The following PZP variants were observed in gnomAD, a reference collection of about 807,000 sequenced individuals.
PZP encodes the protein PZP alpha-2-macroglobulin like.
A neutral mutation model predicts 179.8 loss-of-function variants in PZP; 150 were observed. The observed-to-expected ratio is 0.83, with a 90% CI of 0.73 to 0.96. The LOEUF (loss-of-function observed/expected upper bound fraction) is 0.96. Ranked by LOEUF, PZP falls within the 40% of genes least tolerant of loss-of-function variation. The pLI is 0.00. For synonymous variants in PZP, 624 were observed against 652.3 expected (o/e 0.96, Z 0.66); for missense variants, 1,689 against 1,764.0 (o/e 0.96, Z 0.76).
chr12:9,197,499 ATATAT>A (rs1943858007), intron 7 of PZP, among the ~76,000 whole-genome samples: 2 of 128,278 alleles, frequency 1.6e-5, no homozygotes, highest in Non-Finnish European at 3.1e-5. Context: ...TTATATATAA[ATATAT>A]TATGTATAAT....
chr12:9,182,033 T>C lies in PZP; in HGVS notation c.1631A>G (p.Asp544Gly), dbSNP rs1279626388. 1 of 1,613,860 alleles carries C rather than the reference T, an allele frequency of 6.2e-7. No individual in the cohort carries two copies. The change falls in exon 14 of 36, where the codon GAT (aspartate) becomes GGT (glycine). Residue 544 changes from aspartate (D) to glycine (G), a missense_variant. Around this residue, in one of 3 missense-constraint regions of PZP, gnomAD observed 742 missense variants for 730.5 expected, o/e 1.02. Transcript: ENST00000261336. ...ARMFIFAILP[D>G]GEVVGDSEKF... The stretch of plus-strand genomic sequence containing the variant: ...TTCAGAGTCTCCAACAACTTCTCCA[T>C]CTGGTAAAATGGCAAAGATGAACAT...
intron 15 of PZP, among the ~76,000 whole-genome samples, chr12:9,173,085 C>T (rs1176065320): frequency 6.6e-6 from 1 of 152,242 alleles, no homozygotes; most frequent in Non-Finnish European, 1.5e-5. Context: ...AAGTAAAACA[C>T]TCCTCAGCAA....
chr12:9,166,396 G>A (rs1013353438), intron 17 of PZP, among the ~76,000 whole-genome samples, 194 bp from the exon 18 acceptor site: 2 of 152,138 alleles, frequency 1.3e-5, no homozygotes, highest in African/African-American at 2.4e-5. Context: ...GTCAAAGGTG[G>A]AAATTCTATG....
chr12:9,208,111 A>G (rs769382360), intron 1 of PZP, 148 bp downstream of exon 1: 3 of 604,894 alleles, frequency 5.0e-6, no homozygotes, highest in Admixed American at 5.7e-5. Context: ...TAAATGAAAG[A>G]CAAACAAGGG....
intron 15 of PZP, among the ~76,000 whole-genome samples, chr12:9,172,839 T>C (rs767585314): frequency 1.3e-5 from 2 of 152,094 alleles, no homozygotes; most frequent in Non-Finnish European, 2.9e-5. Flanking sequence ...AGTTCTTATA[T>C]ACCTACAAAG....
At chr12:9,152,770 T>A in intron 31 of PZP, 54 bp downstream of exon 31, 1 of 1,573,122 alleles carries the variant, frequency 6.4e-7, no homozygotes. Flanking sequence ...TAATTTCTGT[T>A]AATTCCAAGT....
intron 29 of PZP, 134 bp downstream of exon 29, chr12:9,154,482 A>T: frequency 1.1e-6 from 1 of 899,760 alleles, no homozygotes; most frequent in Admixed American, 2.7e-5. Context: ...TTAAATTCTC[A>T]TGGTCCTCAA....
At chr12:9,144,724 G>C (rs1422535039), downstream of PZP, among the ~76,000 whole-genome samples, 12 of 152,270 alleles carry the variant, frequency 7.9e-5, no homozygotes, top group Non-Finnish European at 1.5e-4. Context: ...GAAGTTTATT[G>C]TGGGGTTGGA....
chr12:9,197,253 A>G (rs1253404192), intron 7 of PZP, 130 bp from the exon 8 acceptor site: 1 of 600,532 alleles, frequency 1.7e-6, no homozygotes, highest in Non-Finnish European at 2.9e-6. Context: ...CCAAGTAGAA[A>G]GCTGTCTGGA....
chr12:9,182,319 C>A (rs1346709013), intron 13 of PZP, among the ~76,000 whole-genome samples: 1 of 152,170 alleles, frequency 6.6e-6, no homozygotes, highest in East Asian at 1.9e-4. Context: ...TTAATTATAG[C>A]AGAAGTTAAC....
intron 15 of PZP, among the ~76,000 whole-genome samples, chr12:9,171,066 G>C (rs1941962491): frequency 6.6e-6 from 1 of 152,200 alleles, no homozygotes; most frequent in Admixed American, 6.5e-5. Flanking sequence ...CTCCCAATGA[G>C]GGTCTCCAGC....
At chr12:9,141,633 A>T in the PZP span, among the ~76,000 whole-genome samples, 48 of 152,318 alleles carry the variant, frequency 3.2e-4, 1 homozygote, top group East Asian at 9.1e-3. Flanking sequence ...ATTTTATTCA[A>T]CTTAAAACAA....
intron 15 of PZP, among the ~76,000 whole-genome samples, chr12:9,173,299 C>A (rs773446146): frequency 6.6e-6 from 1 of 152,220 alleles, no homozygotes; most frequent in South Asian, 2.1e-4. Context: ...CAATGTACTG[C>A]AATCTCTGGG....
At chr12:9,163,219 G>A (rs189263449) in intron 21 of PZP, among the ~76,000 whole-genome samples, 1 of 151,196 alleles carries the variant, frequency 6.6e-6, no homozygotes, top group African/African-American at 2.4e-5. Context: ...TTGGGAGGCC[G>A]AGAAGGGAGG....
chr12:9,202,243 T>G, intron 4 of PZP, 76 bp downstream of exon 4: 1 of 1,320,934 alleles, frequency 7.6e-7, no homozygotes, highest in East Asian at 2.3e-5. Flanking sequence ...CTCGCTTTTC[T>G]TGTACCTTTC....
In PZP at chr12:9,188,629, G is replaced by T. The variant is rs762797140; in HGVS notation, c.1546+3564C>A. Among the ~76,000 whole-genome samples, 5 of 152,278 alleles carry T rather than the reference G, an allele frequency of 3.3e-5. No homozygotes were observed. In the East Asian group the frequency reaches 9.6e-4, roughly 29 times the overall value. On this transcript the variant is annotated intron_variant, in intron 13 of 35. Transcript: ENST00000261336. ...GATTTTATATCTAGAAAACCCCATA[G>T]TGTTGGCCCCAAAGCTCCTTAAGCT...
chr12:9,154,483 T>C, intron 29 of PZP, 133 bp downstream of exon 29: 2 of 903,284 alleles, frequency 2.2e-6, no homozygotes, highest in Non-Finnish European at 1.7e-6. Context: ...TAAATTCTCA[T>C]GGTCCTCAAA....
intron 31 of PZP, among the ~76,000 whole-genome samples, 174 bp downstream of exon 31, chr12:9,152,650 A>G (rs1269543771): frequency 6.6e-6 from 1 of 152,222 alleles, no homozygotes; most frequent in East Asian, 1.9e-4. Context: ...TTACTTTTAT[A>G]TTTTTAGTAG....
Position 9,198,155 on chromosome 12 carries a change from C to G in PZP, c.756-1032G>C, listed in dbSNP as rs190117801. ...CTTGAGGCCAAAAGTTCCCAACTAG[C>G]ATGGGTAACATAGCAGGACCCAATC... is the stretch of plus-strand genomic sequence containing the variant. On this transcript the variant is annotated intron_variant, in intron 7 of 35. Transcript: ENST00000261336. Among the ~76,000 whole-genome samples the G allele has an allele frequency of 1.7e-4, 26 of 151,180 alleles. No homozygotes were observed. The Admixed American group carries it at 1.7e-3, about 10-fold the overall frequency.
Sources: allele counts gnomAD v4.1 joint callset (sites outside exome capture counted in the v4.1 genomes callset), GRCh38; gene constraint gnomAD v4.1.1; regional missense constraint gnomAD v4.1.1; transcripts MANE v1.5; gene names NCBI Gene and HGNC (gene_info 2026-07-23, HGNC 2026-07-21).